Variants in C3orf20 observed in about 807,000 individuals in gnomAD.
C3orf20 encodes the protein uncharacterized protein C3orf20.
In C3orf20, 76 loss-of-function variants were observed where a neutral mutation model predicts 88.3. The ratio of observed to expected loss-of-function variants is 0.86; its 90% CI spans 0.72 to 1.04. The LOEUF is 1.04. Ranked by LOEUF, C3orf20 falls within the 50% of genes least tolerant of loss-of-function variation. The probability of loss-of-function intolerance (pLI) is 0.00; values close to 1 mark genes in which losing one functional copy is unlikely to be tolerated. For missense variants in C3orf20, 1,056 were observed against 1,123.3 expected, an observed-to-expected ratio of 0.94 and a Z score of 0.86; for synonymous variants, 436 against 437.4, an observed-to-expected ratio of 1.00 and a Z score of 0.04.
chr3:14,715,533 C>T, intron 9 of C3orf20, 124 bp downstream of exon 9: 1 of 1,254,396 alleles, frequency 8.0e-7, no homozygotes, highest in Non-Finnish European at 1.1e-6. Flanking sequence ...GGAAGCCTGC[C>T]CTGAAGGAGC....
Position 14,690,118 on chromosome 3 carries a change from T to C in C3orf20, c.745+2T>C, listed in dbSNP as rs1334973377. 3.7e-6 allele frequency: 6 copies of C among 1,613,984 alleles called. No homozygotes were observed. The highest frequency in any genetic ancestry group is 5.1e-6 in the Non-Finnish European group (6 of 1,179,944). On this transcript the variant is annotated splice_donor_variant, in intron 5 of 16. Transcript: ENST00000253697. LOFTEE classifies it high-confidence loss of function. ...GAAAAGAAGCCAAGAAGAAAATAGGTAAAAATGGTTCCTCGTGGCCTACCA... is the reference window on the plus strand; with the variant it reads ...GAAAAGAAGCCAAGAAGAAAATAGGCAAAAATGGTTCCTCGTGGCCTACCA...
In C3orf20 at chr3:14,726,943, A is replaced by G. The variant is rs1383115389; in HGVS notation, c.1609A>G (p.Met537Val). ...CAACATGGACGACAAGGTGTATAAG[A>G]TGAGCCGAGCCCTGGCTGAGATCAA... The part of the protein sequence containing the change: ...ISNMDDKVYK[M>V]SRALAEIKKR... The change falls in exon 11 of 17, where the codon ATG (methionine) becomes GTG (valine). Residue 537 changes from methionine (M) to valine (V), a missense_variant. Transcript: ENST00000253697. 12 of 1,614,004 alleles carry G rather than the reference A, an allele frequency of 7.4e-6. No homozygotes were observed. Among genetic ancestry groups the G allele is most frequent in the Non-Finnish European group, 1.0e-5 (12 of 1,180,020 alleles).
intron 10 of C3orf20, among the ~76,000 whole-genome samples, chr3:14,723,378 G>A (rs1253217952): frequency 1.3e-5 from 2 of 152,220 alleles, no homozygotes; most frequent in Non-Finnish European, 1.5e-5. Flanking sequence ...CATTCCAGCA[G>A]CATTTCACCT....
chr3:14,756,041 AAAAAAAG>A (rs1559442942), intron 12 of C3orf20, among the ~76,000 whole-genome samples: 2 of 150,726 alleles, frequency 1.3e-5, no homozygotes, highest in Non-Finnish European at 3.0e-5. Context: ...AAAAAAAAAA[AAAAAAAG>A]AAAAAGAAAA....
chr3:14,724,163 G>A (rs1048715791), intron 10 of C3orf20, among the ~76,000 whole-genome samples: 3 of 152,190 alleles, frequency 2.0e-5, no homozygotes, highest in Non-Finnish European at 4.4e-5. Flanking sequence ...TGGCTATGAA[G>A]TCACCTATCT....
At chr3:14,760,829 C>T (rs549322934) in intron 14 of C3orf20, among the ~76,000 whole-genome samples, 43 of 152,110 alleles carry the variant, frequency 2.8e-4, no homozygotes, top group African/African-American at 9.2e-4. Flanking sequence ...AGGCTGGTCT[C>T]GAACTCCTGA....
chr3:14,741,493 C>T (rs2034896330), intron 12 of C3orf20, among the ~76,000 whole-genome samples: 1 of 152,230 alleles, frequency 6.6e-6, no homozygotes, highest in African/African-American at 2.4e-5. Flanking sequence ...TGACTTGTGA[C>T]TCTAATGCAC....
intron 5 of C3orf20, among the ~76,000 whole-genome samples, chr3:14,691,987 TAAG>T (rs1446081075): frequency 2.0e-5 from 3 of 152,200 alleles, no homozygotes; most frequent in African/African-American, 7.2e-5. Flanking sequence ...AATTAGAACA[TAAG>T]AAGTTTGCCT....
intron 5 of C3orf20, among the ~76,000 whole-genome samples, chr3:14,702,469 C>G (rs1287753404): frequency 2.9e-5 from 4 of 138,288 alleles, no homozygotes; most frequent in African/African-American, 8.3e-5. Context: ...GAGTTGGAGT[C>G]TCACTCTGTC....
chr3:14,706,936 G>A (rs576703054), intron 7 of C3orf20, among the ~76,000 whole-genome samples: 2 of 152,072 alleles, frequency 1.3e-5, no homozygotes, highest in African/African-American at 4.8e-5. Context: ...AGATATTGCT[G>A]GTCAAGCTCT....
At chr3:14,730,977 C>T (rs560538427) in intron 12 of C3orf20, among the ~76,000 whole-genome samples, 1 of 152,306 alleles carries the variant, frequency 6.6e-6, no homozygotes, top group South Asian at 2.1e-4. Context: ...TCAGGGGATA[C>T]TTTCCAAGAC....
At chr3:14,763,412 GGGGCCTGTTGTATAA>G (rs2035614471) in intron 15 of C3orf20, among the ~76,000 whole-genome samples, 1 of 152,056 alleles carries the variant, frequency 6.6e-6, no homozygotes, top group Non-Finnish European at 1.5e-5. Flanking sequence ...GGGTCTCTCT[GGGGCCTGTTGTATAA>G]GGGCACCAAT....
At chr3:14,767,816 G>C (rs957958707) in intron 15 of C3orf20, among the ~76,000 whole-genome samples, 3 of 152,248 alleles carry the variant, frequency 2.0e-5, no homozygotes, top group Admixed American at 2.0e-4. Context: ...CTCCAGAACA[G>C]CAGAGCACTC....
rs1036499034 is a variant in C3orf20, at chr3:14,768,163, G to A, written c.2496-3904G>A. On this transcript the variant is annotated intron_variant, in intron 15 of 16. Transcript: ENST00000253697. The surrounding 1 kb of genome is among the most constrained non-coding windows in gnomAD (Gnocchi z 4.1). ...GAAGAGACTAGGTGGAGGCAGGAGG[G>A]GTAGGCAGGGGAGTGGGGAGGGCAC... Among the ~76,000 whole-genome samples, 2 of 152,168 alleles carry A rather than the reference G, an allele frequency of 1.3e-5. No individual in the cohort carries two copies. Among genetic ancestry groups the A allele is most frequent in the Non-Finnish European group, 2.9e-5 (2 of 68,026 alleles).
At chr3:14,678,172 T>C (rs550801430) in intron 1 of C3orf20, among the ~76,000 whole-genome samples, 4 of 152,312 alleles carry the variant, frequency 2.6e-5, no homozygotes, top group Admixed American at 1.3e-4. Flanking sequence ...CTTCAAATAA[T>C]GACCTTTTTT....
In C3orf20 at chr3:14,752,670, G is replaced by A. The variant is rs12630458; in HGVS notation, c.1941-4701G>A. ...AAAACAAACAACCCCATCAAAAAGT[G>A]GGCAAAGGATATGAACAGACACTTC... On this transcript the variant is annotated intron_variant, in intron 12 of 16. Coordinates refer to ENST00000253697, the MANE Select transcript of C3orf20 (RefSeq NM_032137.5). 1.2e-3 allele frequency among the ~76,000 whole-genome samples: 187 copies of A among 152,234 alleles called. 3 individuals carry two copies. In the East Asian group the frequency reaches 0.03, roughly 24 times the overall value.
In C3orf20 at chr3:14,768,397, C is replaced by T. The variant is rs149830002; in HGVS notation, c.2496-3670C>T. Among the ~76,000 whole-genome samples, 14 of 152,116 alleles carry T rather than the reference C, an allele frequency of 9.2e-5. No individual in the cohort carries two copies. Among genetic ancestry groups the T allele is most frequent in the African/African-American group, 3.4e-4 (14 of 41,454 alleles). ...TTACCGGCTGCTCATGCCAGCAACC[C>T]CACACCCCACTCAGCCCAAGGAAGC... On this transcript the variant is annotated intron_variant, in intron 15 of 16. Coordinates refer to ENST00000253697, the MANE Select transcript of C3orf20 (RefSeq NM_032137.5). The surrounding 1 kb of genome is among the most constrained non-coding windows in gnomAD (Gnocchi z 4.1).
At chr3:14,733,322 A>C (rs570222346) in intron 12 of C3orf20, among the ~76,000 whole-genome samples, 38 of 152,316 alleles carry the variant, frequency 2.5e-4, no homozygotes, top group African/African-American at 8.9e-4. Context: ...TCCTGACATA[A>C]ACTCAACTTG....
intron 7 of C3orf20, among the ~76,000 whole-genome samples, chr3:14,710,183 AT>A (rs954509515): frequency 7.8e-4 from 113 of 144,278 alleles, no homozygotes; most frequent in East Asian, 2.1e-3. Flanking sequence ...TTGTCTTAGG[AT>A]TTTTTTTTTT....
Sources: gnomAD v4.1 joint callset for allele counts (sites outside exome capture counted in the v4.1 genomes callset) on GRCh38, gnomAD v4.1.1 for gene constraint, Gnocchi (gnomAD v3.1) non-coding constraint, MANE v1.5 for transcripts, NCBI Gene and HGNC (gene_info 2026-07-23, HGNC 2026-07-21) for gene names.